ALDH5A1: variants seen among roughly 807,000 people sequenced by gnomAD.
ALDH5A1 encodes the protein aldehyde dehydrogenase 5 family member A1, also known as succinate-semialdehyde dehydrogenase, mitochondrial.
A neutral mutation model predicts 54.7 loss-of-function variants in ALDH5A1; 33 were observed. The ratio of observed to expected loss-of-function variants is 0.60; its 90% CI spans 0.46 to 0.81. The LOEUF (loss-of-function observed/expected upper bound fraction) is 0.81. Ranked by LOEUF, ALDH5A1 falls within the 30% of genes least tolerant of loss-of-function variation. The pLI is 0.00. For missense variants in ALDH5A1, 657 were observed against 711.0 expected (o/e 0.92, Z 0.86); for synonymous variants, 294 against 292.7 (o/e 1.00, Z -0.05).
chr6:24,496,113 G>A (rs562820484), intron 1 of ALDH5A1, among the ~76,000 whole-genome samples: 1 of 152,190 alleles, frequency 6.6e-6, no homozygotes, highest in East Asian at 1.9e-4. Flanking sequence ...CCCTCTGAAG[G>A]AATGCATCCA....
chr6:24,515,400 A>G (rs1483135142), intron 5 of ALDH5A1, 90 bp downstream of exon 5: 23 of 1,481,290 alleles, frequency 1.6e-5, no homozygotes, highest in African/African-American at 4.2e-5. Context: ...CTGATCACCA[A>G]TTTTGGAAAG....
intron 7 of ALDH5A1, among the ~76,000 whole-genome samples, chr6:24,526,978 A>G (rs867679405): frequency 0.027 from 613 of 22,966 alleles, 7 homozygotes; most frequent in East Asian, 0.05. Flanking sequence ...GTGTGTGTAT[A>G]TATATATATA....
chr6:24,530,792 C>T (rs1027847444), intron 8 of ALDH5A1, among the ~76,000 whole-genome samples: 1 of 152,242 alleles, frequency 6.6e-6, no homozygotes, highest in Admixed American at 6.5e-5. Context: ...GCTCACTGCC[C>T]CAAGCCAGCC....
chr6:24,497,519 G>T (rs956915796), intron 1 of ALDH5A1, among the ~76,000 whole-genome samples: 4 of 152,170 alleles, frequency 2.6e-5, no homozygotes, highest in African/African-American at 9.7e-5. Context: ...GTGCTGATTG[G>T]TGTGTTTTAC....
intron 1 of ALDH5A1, among the ~76,000 whole-genome samples, chr6:24,495,965 G>C (rs540637407): frequency 6.6e-6 from 1 of 152,310 alleles, no homozygotes; most frequent in Non-Finnish European, 1.5e-5. Context: ...GGAGAATTGG[G>C]AGTAAGGGGT....
intron 2 of ALDH5A1, among the ~76,000 whole-genome samples, chr6:24,503,005 T>C (rs909682698): frequency 3.4e-5 from 5 of 146,000 alleles, no homozygotes; most frequent in Non-Finnish European, 6.2e-5. Context: ...TTAGAAGATA[T>C]TGAAAGGAGG....
rs185080095 is a variant in ALDH5A1 at position 24,498,672 on chromosome 6, G to C, written c.354+3322G>C. On this transcript the variant is annotated intron_variant, in intron 1 of 9. Transcript: ENST00000357578. ...CTCAGGGAACCTTCCTTTTTGAAAG[G>C]AGGGGTTCAGGCTGGGCACGGTGGC... Among the ~76,000 whole-genome samples the C allele has an allele frequency of 6.3e-4, 96 of 152,262 alleles. No homozygotes were observed. In the Middle Eastern group the frequency reaches 0.01, roughly 16 times the overall value.
chr6:24,517,318 T>C (rs1247983336), intron 5 of ALDH5A1, among the ~76,000 whole-genome samples: 1 of 152,210 alleles, frequency 6.6e-6, no homozygotes, highest in East Asian at 1.9e-4. Flanking sequence ...AATAATGTAC[T>C]TTTAATGTCT....
chr6:24,501,737 ATTTTT>A (rs1012530672), intron 1 of ALDH5A1, among the ~76,000 whole-genome samples: 10 of 151,818 alleles, frequency 6.6e-5, no homozygotes, highest in Non-Finnish European at 1.3e-4. Flanking sequence ...TAAATTTTTG[ATTTTT>A]TTTATTTGTG....
In ALDH5A1 at chr6:24,525,131, GA is replaced by G. The variant is rs573051124; in HGVS notation, c.1173+2207del. 3.3e-5 allele frequency among the ~76,000 whole-genome samples: 5 copies of G among 152,292 alleles called. No homozygotes were observed. In the East Asian group the frequency reaches 9.6e-4, roughly 29 times the overall value. On this transcript the variant is annotated intron_variant, in intron 7 of 9. Coordinates refer to ENST00000357578, the MANE Select transcript of ALDH5A1 (RefSeq NM_001080.3). ...TGGCTTTAGTGTACATACTGTCATAGAGTGGGTTCTAGGAAAAAAACACTGC... is the reference window on the plus strand; with the variant it reads ...TGGCTTTAGTGTACATACTGTCATAGGTGGGTTCTAGGAAAAAAACACTGC...
Position 24,503,414 on chromosome 6 carries a change from T to C in ALDH5A1, c.590T>C (p.Val197Ala). ...RALVLKQPIG[V>A]AAVITPWNFP... Reference sequence around the variant, plus strand: ...CTGGTCCTCAAGCAGCCCATAGGCGTGGCTGCAGTCATCACCCCGGTAGGT... The same window carrying C: ...CTGGTCCTCAAGCAGCCCATAGGCGCGGCTGCAGTCATCACCCCGGTAGGT... Residue 197 changes from valine to alanine, a missense_variant, in exon 3 of 10, where the codon GTG becomes GCG. By Grantham distance (64) the Val-to-Ala change is moderately conservative. This residue lies in a region of ALDH5A1 where 425 missense variants were observed against 516.4 expected (regional missense o/e 0.82). Transcript: ENST00000357578. 1 of 1,613,200 alleles carries C rather than the reference T, an allele frequency of 6.2e-7. No individual in the cohort carries two copies. Among genetic ancestry groups the C allele is most frequent in the Non-Finnish European group, 8.5e-7 (1 of 1,179,932 alleles).
rs1427888209 is a variant in ALDH5A1 at position 24,495,020 on chromosome 6, G to A, written c.24G>A (p.Arg8=). 1 of 1,336,448 alleles carries A rather than the reference G, an allele frequency of 7.5e-7. No individual in the cohort carries two copies. 82.8% of individuals were successfully genotyped at this position (1,336,448 alleles called of 1,614,324 possible). A position where few individuals can be genotyped will look rare whatever the true frequency, so the allele number is the denominator to read the frequency against. The change falls in exon 1 of 10, where the codon CGG becomes CGA. Residue 8 remains arginine, a synonymous_variant. Coordinates refer to ENST00000357578, the MANE Select transcript of ALDH5A1 (RefSeq NM_001080.3). MATCIWL[R]SCGARRLGST... The stretch of plus-strand genomic sequence containing the variant: ...CCATGGCGACCTGCATTTGGCTGCG[G>A]AGCTGTGGGGCCCGGCGCCTCGGGT...
intron 9 of ALDH5A1, among the ~76,000 whole-genome samples, chr6:24,532,914 C>G (rs1759962972): frequency 6.6e-6 from 1 of 152,054 alleles, no homozygotes; most frequent in Non-Finnish European, 1.5e-5. Flanking sequence ...TCTCTTCCTT[C>G]TCGATGGGGT....
At chr6:24,501,136 T>C (rs1171075420) in intron 1 of ALDH5A1, among the ~76,000 whole-genome samples, 1 of 152,220 alleles carries the variant, frequency 6.6e-6, no homozygotes, top group East Asian at 1.9e-4. Flanking sequence ...AGGTAATCGT[T>C]GTAAGATGTA....
rs769783897 is a variant in ALDH5A1, at chr6:24,532,137, G to A, written c.1362G>A (p.Glu454=). ...APVIKFDTEE[E]AIAIANAADV... ...TTGGCAGGTTCGATACAGAGGAGGA[G>A]GCTATAGCAATCGCTAACGCAGCTG... The change falls in exon 9 of 10, where the codon GAG becomes GAA. Residue 454 remains glutamate (E), a synonymous_variant. Coordinates refer to ENST00000357578, the MANE Select transcript of ALDH5A1 (RefSeq NM_001080.3). 1 of 1,614,132 alleles carries A rather than the reference G, an allele frequency of 6.2e-7. No homozygotes were observed. Among genetic ancestry groups the A allele is most frequent in the Non-Finnish European group, 8.5e-7 (1 of 1,180,020 alleles).
In ALDH5A1 at chr6:24,535,421, C is replaced by T. The variant is rs1448364328; in HGVS notation, c.*1709C>T. The stretch of plus-strand genomic sequence containing the variant: ...AAGAATCACATACTCAGCATTTTGA[C>T]AGTTAATGTCTTCTCTTTATTTGTG... On this transcript the variant is annotated 3_prime_UTR_variant, in exon 10 of 10. Transcript: ENST00000357578. 6.6e-6 allele frequency: 1 copy of T among 152,216 alleles called. No homozygotes were observed. The highest frequency in any genetic ancestry group is 1.5e-5 in the Non-Finnish European group (1 of 68,034). 9.4% of individuals were successfully genotyped at this position (152,216 alleles called of 1,614,324 possible).
In ALDH5A1 at chr6:24,535,865, C is replaced by T. The variant is rs1760037692; in HGVS notation, c.*2153C>T. The T allele has an allele frequency of 6.6e-6, 1 of 152,114 alleles. No homozygotes were observed. Among genetic ancestry groups the T allele is most frequent in the South Asian group, 2.1e-4 (1 of 4,812 alleles). The allele number at this position is 152,114 out of a possible 1,614,324, so 9.4% of individuals were successfully genotyped here. A position where few individuals can be genotyped will look rare whatever the true frequency, so the allele number is the denominator to read the frequency against. ...ATTATTTTTTATAACTCTGGATTAC[C>T]GATGCTGAGATGTGTGCAGGAATAC... On this transcript the variant is annotated 3_prime_UTR_variant, in exon 10 of 10. Transcript: ENST00000357578.
At chr6:24,500,970 A>G (rs1279357628) in intron 1 of ALDH5A1, among the ~76,000 whole-genome samples, 1 of 152,184 alleles carries the variant, frequency 6.6e-6, no homozygotes, top group Non-Finnish European at 1.5e-5. Context: ...GCATGACAAC[A>G]ACGACTTTAA....
chr6:24,530,513 C>G (rs751220387), intron 8 of ALDH5A1, among the ~76,000 whole-genome samples: 1 of 152,174 alleles, frequency 6.6e-6, no homozygotes, highest in Non-Finnish European at 1.5e-5. Context: ...GCAGCCTTGG[C>G]TTGTAATATC....
Sources: gnomAD v4.1 joint callset for allele counts (sites outside exome capture counted in the v4.1 genomes callset) on GRCh38, gnomAD v4.1.1 for gene constraint, gnomAD v4.1.1 regional missense constraint, MANE v1.5 for transcripts, NCBI Gene and HGNC (gene_info 2026-07-23, HGNC 2026-07-21) for gene names.